PTPRD: variants seen among roughly 807,000 people sequenced by gnomAD.
The protein encoded by PTPRD is receptor-type tyrosine-protein phosphatase delta.
A neutral mutation model predicts 214.5 loss-of-function variants in PTPRD; 34 were observed. The observed-to-expected ratio is 0.16, with a 90% CI of 0.12 to 0.21. The LOEUF is 0.21. Among genes scored for constraint, PTPRD ranks in the 10% least tolerant of loss-of-function variants. PTPRD has a pLI of 1.00. For synonymous variants in PTPRD, 1,128 were observed against 845.7 expected, an observed-to-expected ratio of 1.33 and a Z score of -5.79; for missense variants, 2,545 against 2,398.7, an observed-to-expected ratio of 1.06 and a Z score of -1.27.
rs77580987 is a variant in PTPRD at position 10,229,266 on chromosome 9, A to T, written c.-545+111697T>A. ...TACACTGTTGGCGGGACTGTAAACT[A>T]GTTCAATCATTGTGGAAGTCACTGT... On this transcript the variant is annotated intron_variant, in intron 3 of 45. Coordinates refer to ENST00000381196, the MANE Select transcript of PTPRD (RefSeq NM_002839.4). 5.5e-3 allele frequency among the ~76,000 whole-genome samples: 831 copies of T among 152,166 alleles called. 32 individuals are homozygous for T. In the East Asian group the frequency reaches 0.11, roughly 21 times the overall value.
intron 3 of PTPRD, among the ~76,000 whole-genome samples, chr9:10,278,192 C>T (rs1242887419): frequency 2.0e-5 from 3 of 150,910 alleles, no homozygotes; most frequent in African/African-American, 7.3e-5. Flanking sequence ...CTTTGATCAA[C>T]TTGTGGCCTC....
intron 10 of PTPRD, among the ~76,000 whole-genome samples, chr9:9,122,971 G>T (rs544024285): frequency 3.1e-4 from 47 of 152,112 alleles, no homozygotes; most frequent in Admixed American, 1.1e-3. Context: ...GGGGAAAATG[G>T]CATTGCTATA....
chr9:9,406,916 T>C (rs1413813702), intron 8 of PTPRD, among the ~76,000 whole-genome samples: 1 of 151,348 alleles, frequency 6.6e-6, no homozygotes, highest in African/African-American at 2.4e-5. Context: ...TCTATTATAA[T>C]GCTGAGCACT....
rs113175345 is a variant in PTPRD, at chr9:9,842,264, A to G, written c.-367-75413T>C. ...TTAATTATGAAGGGCAATGATTCAA[A>G]ACACAAAAAACTCAAAGTCTACTGA... On this transcript the variant is annotated intron_variant, in intron 5 of 45. Coordinates refer to ENST00000381196, the MANE Select transcript of PTPRD (RefSeq NM_002839.4). 6.0e-3 allele frequency among the ~76,000 whole-genome samples: 914 copies of G among 151,304 alleles called. 11 individuals are homozygous for G. Among genetic ancestry groups the G allele is most frequent in the African/African-American group, 0.021 (857 of 41,298 alleles).
At chr9:8,953,932 T>G (rs2099117387) in intron 11 of PTPRD, among the ~76,000 whole-genome samples, 1 of 151,986 alleles carries the variant, frequency 6.6e-6, no homozygotes, top group South Asian at 2.1e-4. Flanking sequence ...GAAAGCAGTT[T>G]GGGGATTTCT....
intron 7 of PTPRD, among the ~76,000 whole-genome samples, chr9:9,602,056 T>G (rs368466451): frequency 6.6e-6 from 1 of 152,102 alleles, no homozygotes; most frequent in Non-Finnish European, 1.5e-5. Context: ...ACTGGTTTCA[T>G]CAGACTCTTG....
intron 11 of PTPRD, among the ~76,000 whole-genome samples, chr9:8,934,935 A>T (rs1405104195): frequency 6.6e-6 from 1 of 152,090 alleles, no homozygotes; most frequent in Non-Finnish European, 1.5e-5. Context: ...GTCACACATG[A>T]CAGGATTTTC....
intron 11 of PTPRD, among the ~76,000 whole-genome samples, chr9:9,016,515 T>G (rs370668234): frequency 6.6e-6 from 1 of 152,222 alleles, no homozygotes; most frequent in South Asian, 2.1e-4. Flanking sequence ...TAGTACTGGT[T>G]AAAATCGGGG....
chr9:8,974,502 C>T (rs545103503), intron 11 of PTPRD, among the ~76,000 whole-genome samples: 2 of 152,098 alleles, frequency 1.3e-5, no homozygotes, highest in Non-Finnish European at 2.9e-5. Flanking sequence ...TACCCATCAA[C>T]CCATCATCTA....
At chr9:9,465,997 T>C (rs2094123752) in intron 8 of PTPRD, among the ~76,000 whole-genome samples, 1 of 152,138 alleles carries the variant, frequency 6.6e-6, no homozygotes, top group Non-Finnish European at 1.5e-5. Flanking sequence ...CATAGCATTG[T>C]ATGAATCACA....
chr9:9,370,269 T>A (rs922920536), intron 9 of PTPRD, among the ~76,000 whole-genome samples: 3 of 152,122 alleles, frequency 2.0e-5, no homozygotes, highest in Non-Finnish European at 2.9e-5. Context: ...CATTTGTTTG[T>A]GTCCTCTTTT....
intron 11 of PTPRD, among the ~76,000 whole-genome samples, chr9:8,920,320 G>T (rs1040743850): frequency 6.6e-6 from 1 of 151,804 alleles, no homozygotes; most frequent in Admixed American, 6.6e-5. Flanking sequence ...CAGCCTGGGT[G>T]ACAGAGTGAG....
chr9:9,981,532 T>A (rs199634076), intron 4 of PTPRD, among the ~76,000 whole-genome samples: 4 of 59,428 alleles, frequency 6.7e-5, no homozygotes, highest in Admixed American at 1.6e-4. Flanking sequence ...TTTTTTTTTG[T>A]ATTTTTTTTA....
chr9:10,513,103 G>C (rs1219016797), intron 2 of PTPRD, among the ~76,000 whole-genome samples: 1 of 151,926 alleles, frequency 6.6e-6, no homozygotes, highest in Non-Finnish European at 1.5e-5. Flanking sequence ...CATTATTGAA[G>C]GATAGAAAAT....
chr9:9,643,225 G>A (rs548390846), intron 7 of PTPRD, among the ~76,000 whole-genome samples: 1 of 152,138 alleles, frequency 6.6e-6, no homozygotes, highest in Non-Finnish European at 1.5e-5. Flanking sequence ...GAAGTCTGGA[G>A]ATTTTTATAC....
intron 4 of PTPRD, among the ~76,000 whole-genome samples, chr9:9,953,545 GTT>G (rs1368126184): frequency 6.6e-6 from 1 of 150,828 alleles, no homozygotes; most frequent in Non-Finnish European, 1.5e-5. Context: ...CTCACTTTTG[GTT>G]TTGTTTCTCT....
chr9:8,670,186 A>G (rs2097254510), intron 12 of PTPRD, among the ~76,000 whole-genome samples: 1 of 152,148 alleles, frequency 6.6e-6, no homozygotes, highest in Admixed American at 6.5e-5. Context: ...TTATTTAACG[A>G]AAATCCCTAA....
chr9:8,747,908 C>T (rs1341406270), intron 11 of PTPRD, among the ~76,000 whole-genome samples: 1 of 152,164 alleles, frequency 6.6e-6, no homozygotes, highest in African/African-American at 2.4e-5. Flanking sequence ...ACATTTCAAT[C>T]CCTGTATCTT....
At chr9:9,578,501 G>C (rs957395439) in intron 7 of PTPRD, among the ~76,000 whole-genome samples, 5 of 151,746 alleles carry the variant, frequency 3.3e-5, no homozygotes, top group Admixed American at 1.3e-4. Flanking sequence ...AGAGGAAATT[G>C]AATAAAAATT....
Sources: gnomAD v4.1 joint callset for allele counts (sites outside exome capture counted in the v4.1 genomes callset) on GRCh38, gnomAD v4.1.1 for gene constraint, MANE v1.5 for transcripts, NCBI Gene and HGNC (gene_info 2026-07-23, HGNC 2026-07-21) for gene names.